YAP1: variants seen among roughly 807,000 people sequenced by gnomAD.
YAP1 encodes the protein transcriptional coactivator YAP1.
In YAP1, 5 loss-of-function variants were observed where a neutral mutation model predicts 56.9. That is an observed-to-expected ratio of 0.09 (90% CI 0.05 to 0.18). YAP1 has a LOEUF of 0.18. Ranked by LOEUF, YAP1 falls within the 10% of genes least tolerant of loss-of-function variation. The pLI is 1.00. For missense variants in YAP1, 539 were observed against 651.8 expected (o/e 0.83, Z 1.88); for synonymous variants, 265 against 248.1 (o/e 1.07, Z -0.64).
intron 2 of YAP1, among the ~76,000 whole-genome samples, chr11:102,120,255 A>G (rs931697864): frequency 6.6e-6 from 1 of 152,202 alleles, no homozygotes; most frequent in Non-Finnish European, 1.5e-5. Flanking sequence ...AATGCAAACA[A>G]AGAAGTTTGG....
At chr11:102,111,866 C>T (rs1018104928) in intron 1 of YAP1, among the ~76,000 whole-genome samples, 3 of 151,594 alleles carry the variant, frequency 2.0e-5, no homozygotes, top group Non-Finnish European at 4.4e-5. Context: ...ATTTTCCTCG[C>T]GGCTCAGGCG....
chr11:102,173,057 G>A (rs1176067935), intron 3 of YAP1, among the ~76,000 whole-genome samples: 2 of 152,158 alleles, frequency 1.3e-5, no homozygotes, highest in Admixed American at 6.6e-5. Context: ...TTAAAAAATA[G>A]GGAGATTACT....
At chr11:102,154,025 A>G (rs555527645) in intron 2 of YAP1, among the ~76,000 whole-genome samples, 140 of 152,262 alleles carry the variant, frequency 9.2e-4, no homozygotes, top group Middle Eastern at 3.4e-3. Flanking sequence ...TTTCTTTTTA[A>G]TGACCATGAC....
rs767140593 is a variant in YAP1, at chr11:102,129,016, CTCTT to C, written c.572+14630_572+14633del. Among the ~76,000 whole-genome samples the C allele has an allele frequency of 6.6e-5, 10 of 152,202 alleles. No individual in the cohort carries two copies. In the East Asian group the frequency reaches 1.9e-3, roughly 29 times the overall value. ...CCCCTCCCCAGTCTCCTGACACTGT[CTCTT>C]TCTTTCTCTCATCAGTATAGATGGT... On this transcript the variant is annotated intron_variant, in intron 2 of 8. Coordinates refer to ENST00000282441, the MANE Select transcript of YAP1 (RefSeq NM_001130145.3).
intron 6 of YAP1, among the ~76,000 whole-genome samples, chr11:102,214,163 A>G (rs899955720): frequency 1.3e-5 from 2 of 152,262 alleles, no homozygotes; most frequent in African/African-American, 4.8e-5. Context: ...AGTAGCCAGT[A>G]TAATTCCAAT....
intron 6 of YAP1, among the ~76,000 whole-genome samples, chr11:102,222,488 G>T (rs1218875860): frequency 6.6e-6 from 1 of 152,190 alleles, no homozygotes. Flanking sequence ...GGCAAATACA[G>T]GCTGAAACCT....
intron 3 of YAP1, among the ~76,000 whole-genome samples, chr11:102,182,920 G>A (rs1423797730): frequency 6.6e-6 from 1 of 152,150 alleles, no homozygotes; most frequent in African/African-American, 2.4e-5. Flanking sequence ...AATAATATAG[G>A]TTCTACATGA....
rs1371250694 is a variant in YAP1 at position 102,230,258 on chromosome 11, G to C, written c.*318G>C. ...TGATGGATGCCATTCCTTTTGCCCA[G>C]TTAAATGTTCACCAATCATTTTAAC... On this transcript the variant is annotated 3_prime_UTR_variant, in exon 9 of 9. Transcript: ENST00000282441. 4.6e-6 allele frequency: 1 copy of C among 218,424 alleles called. No homozygotes were observed. The highest frequency in any genetic ancestry group is 9.2e-6 in the Non-Finnish European group (1 of 109,078). The allele number at this position is 218,424 out of a possible 1,614,324, so 13.5% of individuals were successfully genotyped here. A position where few individuals can be genotyped will look rare whatever the true frequency, so the allele number is the denominator to read the frequency against.
chr11:102,122,851 C>G (rs1410001706), intron 2 of YAP1, among the ~76,000 whole-genome samples: 2 of 136,660 alleles, frequency 1.5e-5, no homozygotes, highest in African/African-American at 2.7e-5. Context: ...GAATCGAGAT[C>G]GAGCATTGCA....
Position 102,131,885 on chromosome 11 carries a change from T to A in YAP1, c.572+17491T>A, listed in dbSNP as rs2135234839. Among the ~76,000 whole-genome samples, 2 of 152,260 alleles carry A rather than the reference T, an allele frequency of 1.3e-5. 1 individual carries two copies. The highest frequency in any genetic ancestry group is 4.1e-4 in the South Asian group (2 of 4,822). ...AGTGAATATCTGATTTCTTTAGGAT[T>A]AAATGAGTAAGAAATTCTGTTGTAA... On this transcript the variant is annotated intron_variant, in intron 2 of 8. Coordinates refer to ENST00000282441, the MANE Select transcript of YAP1 (RefSeq NM_001130145.3).
At chr11:102,127,928 C>T (rs1944133244) in intron 2 of YAP1, among the ~76,000 whole-genome samples, 1 of 152,210 alleles carries the variant, frequency 6.6e-6, no homozygotes, top group African/African-American at 2.4e-5. Flanking sequence ...GGATTTCGGA[C>T]TCGCATGGGC....
intron 2 of YAP1, among the ~76,000 whole-genome samples, chr11:102,121,283 C>CAA (rs1199002760): frequency 6.6e-6 from 1 of 151,666 alleles, no homozygotes; most frequent in Non-Finnish European, 1.5e-5. Context: ...ATTAAAAATA[C>CAA]AAAAAAATTA....
intron 3 of YAP1, among the ~76,000 whole-genome samples, chr11:102,169,953 TAAAA>T (rs773443317): frequency 2.6e-5 from 4 of 152,278 alleles, no homozygotes; most frequent in East Asian, 1.9e-4. Context: ...CTTTTTGAAA[TAAAA>T]AAAGTAATTC....
intron 6 of YAP1, among the ~76,000 whole-genome samples, chr11:102,212,812 C>G (rs1337097042): frequency 6.6e-6 from 1 of 152,144 alleles, no homozygotes; most frequent in Admixed American, 6.5e-5. Flanking sequence ...AACTCCCAAC[C>G]TCAGGTGATC....
At chr11:102,133,075 T>C (rs1591174205) in intron 2 of YAP1, among the ~76,000 whole-genome samples, 1 of 152,192 alleles carries the variant, frequency 6.6e-6, no homozygotes, top group East Asian at 1.9e-4. Flanking sequence ...GGAGAATCAC[T>C]TGAACCAGAG....
At chr11:102,131,500 A>C (rs1036323498) in intron 2 of YAP1, among the ~76,000 whole-genome samples, 1 of 152,358 alleles carries the variant, frequency 6.6e-6, no homozygotes, top group Non-Finnish European at 1.5e-5. Flanking sequence ...TTCAATAAAG[A>C]GAGATCTTGC....
chr11:102,143,516 T>G (rs1281806332), intron 2 of YAP1, among the ~76,000 whole-genome samples: 3 of 152,204 alleles, frequency 2.0e-5, no homozygotes, highest in African/African-American at 4.8e-5. Context: ...TCACCAACAT[T>G]AGCCAGCACA....
intron 3 of YAP1, among the ~76,000 whole-genome samples, chr11:102,169,771 C>G (rs1344474755): frequency 6.6e-6 from 1 of 151,896 alleles, no homozygotes; most frequent in South Asian, 2.1e-4. Flanking sequence ...ATAGCCAATC[C>G]TTAAGAAGCT....
At chr11:102,206,654 C>A (rs185256428) in intron 5 of YAP1, among the ~76,000 whole-genome samples, 1 of 152,202 alleles carries the variant, frequency 6.6e-6, no homozygotes, top group Non-Finnish European at 1.5e-5. Flanking sequence ...ACAAGCCTGG[C>A]CAACTTAGCG....
Sources: gnomAD v4.1 joint callset for allele counts (sites outside exome capture counted in the v4.1 genomes callset) on GRCh38, gnomAD v4.1.1 for gene constraint, MANE v1.5 for transcripts, NCBI Gene and HGNC (gene_info 2026-07-23, HGNC 2026-07-21) for gene names.